Variants in PPFIBP2 observed in about 807,000 individuals in gnomAD.
PPFIBP2 encodes PPFIB scaffold protein 2, also known as liprin-beta-2.
PPFIBP2 carries 118 observed loss-of-function variants against 118.3 expected under a neutral mutation model. The ratio of observed to expected loss-of-function variants is 1.00; its 90% CI spans 0.86 to 1.16. The LOEUF (loss-of-function observed/expected upper bound fraction) is 1.16. Ranked by LOEUF, PPFIBP2 falls within the 50% of genes most tolerant of loss-of-function variation. The pLI is 0.00. For synonymous variants in PPFIBP2, 414 were observed against 397.4 expected, an observed-to-expected ratio of 1.04 and a Z score of -0.50; for missense variants, 1,195 against 1,073.1, an observed-to-expected ratio of 1.11 and a Z score of -1.59.
At chr11:7,556,251 T>G (rs11820687) in intron 2 of PPFIBP2, among the ~76,000 whole-genome samples, 294 of 152,168 alleles carry the variant, frequency 1.9e-3, no homozygotes, top group African/African-American at 4.2e-3. Context: ...GTCAGGAGAT[T>G]GAGACCATCC....
At chr11:7,581,783 T>C (rs1246858119) in intron 3 of PPFIBP2, among the ~76,000 whole-genome samples, 1 of 152,182 alleles carries the variant, frequency 6.6e-6, no homozygotes, top group African/African-American at 2.4e-5. Context: ...CTTCCTAGAA[T>C]TCAATTTCCT....
At chr11:7,584,951 A>G (rs1272665732) in intron 3 of PPFIBP2, among the ~76,000 whole-genome samples, 1 of 152,196 alleles carries the variant, frequency 6.6e-6, no homozygotes, top group African/African-American at 2.4e-5. Flanking sequence ...TGGAAACACT[A>G]CACATTTTCT....
chr11:7,638,046 C>A (rs1230234126), intron 14 of PPFIBP2, among the ~76,000 whole-genome samples: 1 of 152,174 alleles, frequency 6.6e-6, no homozygotes, highest in East Asian at 1.9e-4. Flanking sequence ...TGGAGTCATG[C>A]CCTTCAGGTC....
chr11:7,522,112 T>C (rs1416011154), intron 1 of PPFIBP2, among the ~76,000 whole-genome samples: 1 of 152,196 alleles, frequency 6.6e-6, no homozygotes, highest in African/African-American at 2.4e-5. Context: ...AGGAACTTCT[T>C]ATGAGCACAG....
chr11:7,606,951 C>T (rs1847433364), intron 5 of PPFIBP2, among the ~76,000 whole-genome samples: 3 of 110,094 alleles, frequency 2.7e-5, no homozygotes, highest in African/African-American at 3.6e-5. Flanking sequence ...CACTGTGTCG[C>T]CCAGGCTGGA....
chr11:7,547,542 T>TC (rs965043834), intron 1 of PPFIBP2, among the ~76,000 whole-genome samples: 36 of 152,046 alleles, frequency 2.4e-4, no homozygotes, highest in Non-Finnish European at 3.5e-4. Context: ...TCCTCCTGCT[T>TC]CCCCCCTTTT....
intron 5 of PPFIBP2, among the ~76,000 whole-genome samples, chr11:7,601,742 C>T (rs1330556226): frequency 1.3e-5 from 2 of 152,126 alleles, no homozygotes; most frequent in African/African-American, 4.8e-5. Flanking sequence ...GACGGATAAC[C>T]TGAGGTCAGG....
chr11:7,647,084 T>G (rs1013292078), intron 17 of PPFIBP2, among the ~76,000 whole-genome samples: 4 of 152,212 alleles, frequency 2.6e-5, no homozygotes, highest in African/African-American at 9.6e-5. Flanking sequence ...TCTCTAACAT[T>G]TGATCTAAAA....
chr11:7,570,615 C>A (rs1296082571), intron 3 of PPFIBP2, among the ~76,000 whole-genome samples: 1 of 152,180 alleles, frequency 6.6e-6, no homozygotes, highest in Non-Finnish European at 1.5e-5. Context: ...ACTCTAGGCC[C>A]TGTTTGGAAC....
intron 1 of PPFIBP2, among the ~76,000 whole-genome samples, chr11:7,546,847 G>A (rs1171285289): frequency 6.6e-6 from 1 of 152,162 alleles, no homozygotes; most frequent in African/African-American, 2.4e-5. Flanking sequence ...TTGCACACCT[G>A]CCTCTATCAA....
intron 22 of PPFIBP2, chr11:7,651,211 T>G (rs1483002198): frequency 9.8e-6 from 4 of 409,868 alleles, no homozygotes; most frequent in Non-Finnish European, 1.8e-5. Flanking sequence ...GGTCGATGGG[T>G]TGCATGGAGA....
intron 1 of PPFIBP2, among the ~76,000 whole-genome samples, chr11:7,526,376 G>A (rs1052460090): frequency 1.3e-5 from 2 of 152,292 alleles, no homozygotes; most frequent in African/African-American, 4.8e-5. Flanking sequence ...AAGGAAACCA[G>A]CTTAGCTAGA....
intron 5 of PPFIBP2, among the ~76,000 whole-genome samples, chr11:7,603,805 A>T (rs74051553): frequency 0.03 from 4,540 of 152,084 alleles, 219 homozygotes; most frequent in African/African-American, 0.1. Flanking sequence ...TTTTTTCTAA[A>T]CCTTTATTAC....
intron 1 of PPFIBP2, among the ~76,000 whole-genome samples, chr11:7,541,999 A>G (rs544922902): frequency 6.6e-6 from 1 of 152,236 alleles, no homozygotes; most frequent in African/African-American, 2.4e-5. Context: ...GAGTCACTTC[A>G]TCTCTTGCCG....
chr11:7,648,124 G>A (rs1156435903), intron 17 of PPFIBP2: 2 of 404,576 alleles, frequency 4.9e-6, no homozygotes, highest in South Asian at 3.6e-5. Flanking sequence ...TCTCAGGAGG[G>A]CCATACAGGC....
intron 1 of PPFIBP2, among the ~76,000 whole-genome samples, chr11:7,540,895 C>G (rs1363150529): frequency 6.6e-6 from 1 of 152,142 alleles, no homozygotes; most frequent in Non-Finnish European, 1.5e-5. Context: ...GAAAGCAGTG[C>G]AGACAGCCAA....
At chr11:7,666,421 CAT>C in the PPFIBP2 span, 1 of 1,440,948 alleles carries the variant, frequency 6.9e-7, no homozygotes, top group Non-Finnish European at 9.8e-7. Flanking sequence ...GGTGCTGACC[CAT>C]GGTGAGTGAG....
intron 4 of PPFIBP2, among the ~76,000 whole-genome samples, chr11:7,594,957 T>A (rs951657742): frequency 1.3e-5 from 2 of 150,664 alleles, no homozygotes; most frequent in Non-Finnish European, 2.9e-5. Context: ...GAGTGTGAAT[T>A]GACAATAAGC....
intron 3 of PPFIBP2, among the ~76,000 whole-genome samples, chr11:7,572,264 G>T (rs1855735998): frequency 6.6e-6 from 1 of 152,148 alleles, no homozygotes; most frequent in Non-Finnish European, 1.5e-5. Context: ...CTGCCCTAGA[G>T]AAGCTTCCTG....
Sources: gnomAD v4.1 joint callset for allele counts (sites outside exome capture counted in the v4.1 genomes callset) on GRCh38, gnomAD v4.1.1 for gene constraint, MANE v1.5 for transcripts, NCBI Gene and HGNC (gene_info 2026-07-23, HGNC 2026-07-21) for gene names.